The following RIPOR2 variants were observed in gnomAD, a reference collection of about 807,000 sequenced individuals.
RIPOR2 encodes RHO family interacting cell polarization regulator 2, also known as rho family-interacting cell polarization regulator 2.
Under a neutral mutation model 114.5 loss-of-function variants are expected in RIPOR2, and 39 were observed. The observed-to-expected ratio is 0.34, with a 90% CI of 0.26 to 0.44. RIPOR2 has a LOEUF of 0.44. Among genes scored for constraint, RIPOR2 ranks in the 20% least tolerant of loss-of-function variants. The pLI is 1.00. For synonymous variants in RIPOR2, 445 were observed against 484.4 expected (o/e 0.92, Z 1.07); for missense variants, 1,007 against 1,255.1 (o/e 0.80, Z 2.99).
At chr6:25,029,411 GAAAAAAAAAAAAA>G in intron 1 of RIPOR2, among the ~76,000 whole-genome samples, 1 of 90,614 alleles carries the variant, frequency 1.1e-5, no homozygotes, top group East Asian at 4.0e-4. Flanking sequence ...TCTCAAAAAA[GAAAAAAAAAAAAA>G]AAAAAAAAAG....
chr6:24,905,871 T>A (rs2114039237), intron 1 of RIPOR2, among the ~76,000 whole-genome samples: 1 of 152,242 alleles, frequency 6.6e-6, no homozygotes, highest in Middle Eastern at 3.4e-3. Context: ...GAAGCCAAGG[T>A]CAGAAGGAGA....
At chr6:24,822,216 A>T (rs1438967396) in intron 19 of RIPOR2, among the ~76,000 whole-genome samples, 1 of 152,228 alleles carries the variant, frequency 6.6e-6, no homozygotes, top group Non-Finnish European at 1.5e-5. Flanking sequence ...GGAGGTCAGA[A>T]ACCAATCGAT....
intron 1 of RIPOR2, among the ~76,000 whole-genome samples, chr6:25,029,364 C>G (rs981982956): frequency 3.5e-5 from 5 of 144,046 alleles, no homozygotes; most frequent in African/African-American, 1.3e-4. Context: ...GAGATCGCGC[C>G]GCTGCACTCC....
At chr6:24,927,183 G>C (rs111534139) in intron 1 of RIPOR2, among the ~76,000 whole-genome samples, 599 of 3,630 alleles carry the variant, frequency 0.17, 269 homozygotes, top group Admixed American at 0.45. Context: ...CCACCACCAT[G>C]ACCACCACCA....
At chr6:24,980,540 C>G (rs1301494796) in intron 1 of RIPOR2, among the ~76,000 whole-genome samples, 1 of 152,186 alleles carries the variant, frequency 6.6e-6, no homozygotes, top group African/African-American at 2.4e-5. Context: ...TTGCTCTTGT[C>G]AGAGCCGTAG....
intron 1 of RIPOR2, among the ~76,000 whole-genome samples, chr6:24,985,587 A>G (rs1308600816): frequency 6.6e-6 from 1 of 152,182 alleles, no homozygotes; most frequent in Non-Finnish European, 1.5e-5. Context: ...TGAGGTGATG[A>G]CAGGGACATT....
chr6:24,946,087 TA>T (rs1272600271), intron 1 of RIPOR2, among the ~76,000 whole-genome samples: 3 of 70,748 alleles, frequency 4.2e-5, no homozygotes, highest in South Asian at 5.1e-4. Flanking sequence ...TATTTTTAAT[TA>T]ATTTTTTTTT....
chr6:24,969,126 T>C (rs376742168), intron 1 of RIPOR2, among the ~76,000 whole-genome samples: 1 of 152,222 alleles, frequency 6.6e-6, no homozygotes, highest in Non-Finnish European at 1.5e-5. Flanking sequence ...CTCGAGGTCT[T>C]GTTAAACCAC....
At chr6:24,962,956 G>A (rs391937) in intron 1 of RIPOR2, among the ~76,000 whole-genome samples, 120,971 of 152,158 alleles carry the variant, frequency 0.8, 51,646 homozygotes, top group East Asian at 0.96. Flanking sequence ...AAATCCCACC[G>A]GAGCAGGGTT....
At chr6:24,811,228 CTTTTTTTTTTTTT>C (rs59559836) in intron 20 of RIPOR2, among the ~76,000 whole-genome samples, 7 of 93,796 alleles carry the variant, frequency 7.5e-5, no homozygotes, top group African/African-American at 2.8e-4. Context: ...TTCTCTCATT[CTTTTTTTTTTTTT>C]TTTTTTTTTT....
At chr6:24,828,471 T>C (rs776798022) in intron 17 of RIPOR2, among the ~76,000 whole-genome samples, 176 bp from the exon 18 acceptor site, 1 of 152,164 alleles carries the variant, frequency 6.6e-6, no homozygotes, top group Non-Finnish European at 1.5e-5. Context: ...CCCAAGTAGA[T>C]GGAATTGCAG....
chr6:24,806,889 T>C (rs1009014574), intron 21 of RIPOR2, among the ~76,000 whole-genome samples: 1 of 152,232 alleles, frequency 6.6e-6, no homozygotes, highest in African/African-American at 2.4e-5. Flanking sequence ...CTAAATGATA[T>C]GTGGTAAAAT....
chr6:24,889,627 T>C (rs1377764122), intron 1 of RIPOR2, among the ~76,000 whole-genome samples: 1 of 152,066 alleles, frequency 6.6e-6, no homozygotes, highest in Non-Finnish European at 1.5e-5. Context: ...AAATGCTTGT[T>C]AAATTTAAAA....
Position 24,909,815 on chromosome 6 carries a change from A to T in RIPOR2, c.61+26023T>A, listed in dbSNP as rs1321939389. 2.0e-5 allele frequency among the ~76,000 whole-genome samples: 3 copies of T among 152,230 alleles called. No individual in the cohort carries two copies. In the East Asian group the frequency reaches 5.8e-4, roughly 29 times the overall value. Reference sequence around the variant, plus strand: ...ACATTTTTCCTCAGTCACTCAAGCAACATGTAGGTATCTCCAAGACAGGGA... The same window carrying T: ...ACATTTTTCCTCAGTCACTCAAGCATCATGTAGGTATCTCCAAGACAGGGA... On this transcript the variant is annotated intron_variant, in intron 1 of 21. Transcript: ENST00000643898.
At chr6:24,887,646 A>C (rs183139921) in intron 1 of RIPOR2, among the ~76,000 whole-genome samples, 1 of 152,316 alleles carries the variant, frequency 6.6e-6, no homozygotes, top group East Asian at 1.9e-4. Context: ...TTCCTCTTCA[A>C]AGCAATGACA....
intron 17 of RIPOR2, among the ~76,000 whole-genome samples, chr6:24,828,561 A>G (rs1452397372): frequency 6.6e-6 from 1 of 152,118 alleles, no homozygotes; most frequent in African/African-American, 2.4e-5. Flanking sequence ...TAAAGTAAGC[A>G]GCTGGATGGT....
chr6:24,958,902 C>T (rs1446253011), intron 1 of RIPOR2, among the ~76,000 whole-genome samples: 3 of 150,988 alleles, frequency 2.0e-5, no homozygotes, highest in Non-Finnish European at 2.9e-5. Context: ...TGGAAATGGC[C>T]GTCAATCCTT....
At chr6:25,032,988 T>C (rs750421276) in intron 1 of RIPOR2, among the ~76,000 whole-genome samples, 9 of 152,202 alleles carry the variant, frequency 5.9e-5, no homozygotes, top group Non-Finnish European at 1.2e-4. Flanking sequence ...GAAAATTGCT[T>C]GAGCCCACAA....
chr6:24,838,456 A>G (rs1238440062), intron 14 of RIPOR2, among the ~76,000 whole-genome samples: 27 of 152,170 alleles, frequency 1.8e-4, no homozygotes, highest in Admixed American at 1.8e-3. Flanking sequence ...TTAATTTGGA[A>G]TTAATTACAT....
Sources: gnomAD v4.1 joint callset for allele counts (sites outside exome capture counted in the v4.1 genomes callset) on GRCh38, gnomAD v4.1.1 for gene constraint, MANE v1.5 for transcripts, NCBI Gene and HGNC (gene_info 2026-07-23, HGNC 2026-07-21) for gene names.